Variants in TTC28 observed in about 807,000 individuals in gnomAD.
TTC28 encodes tetratricopeptide repeat protein 28.
In TTC28, 61 loss-of-function variants were observed where a neutral mutation model predicts 198.0. That is an observed-to-expected ratio of 0.31 (90% confidence interval 0.25 to 0.38). TTC28 has a LOEUF of 0.38. Among genes scored for constraint, TTC28 ranks in the 10% least tolerant of loss-of-function variants. The probability of loss-of-function intolerance (pLI) is 1.00; values close to 1 mark genes in which losing one functional copy is unlikely to be tolerated. For synonymous variants in TTC28, 1,171 were observed against 1,297.8 expected, an observed-to-expected ratio of 0.90 and a Z score of 2.10; for missense variants, 2,678 against 3,164.0, an observed-to-expected ratio of 0.85 and a Z score of 3.69.
chr22:28,480,127 C>A (rs1331438971), intron 2 of TTC28, among the ~76,000 whole-genome samples: 1 of 152,126 alleles, frequency 6.6e-6, no homozygotes, highest in Non-Finnish European at 1.5e-5. Flanking sequence ...AACTGTCAGT[C>A]ACAATGATTA....
intron 5 of TTC28, among the ~76,000 whole-genome samples, chr22:28,228,007 T>C (rs530864129): frequency 5.3e-5 from 8 of 152,274 alleles, no homozygotes; most frequent in African/African-American, 1.7e-4. Flanking sequence ...AAATGTGGTA[T>C]ATACATACAA....
rs935001815 is a variant in TTC28 at position 28,539,730 on chromosome 22, C to G, written c.381+89822G>C. On this transcript the variant is annotated intron_variant, in intron 2 of 22. Coordinates refer to ENST00000397906, the MANE Select transcript of TTC28 (RefSeq NM_001145418.2). ...CAGAAAAGAACAAGCCACAAAGGCC[C>G]AGGGATAGAGTATCAAGAAGAAGGT... 3.1e-4 allele frequency among the ~76,000 whole-genome samples: 47 copies of G among 150,740 alleles called. 2 individuals carry two copies. The highest frequency in any genetic ancestry group is 4.4e-5 in the Non-Finnish European group (3 of 67,774).
chr22:28,503,215 A>G (rs1274604858), intron 2 of TTC28, among the ~76,000 whole-genome samples: 2 of 152,160 alleles, frequency 1.3e-5, no homozygotes, highest in East Asian at 3.8e-4. Flanking sequence ...TACTTTCTTC[A>G]GAACTCAGAT....
Position 28,218,018 on chromosome 22 carries a change from A to T in TTC28, c.934-54419T>A, listed in dbSNP as rs913363374. On this transcript the variant is annotated intron_variant, in intron 5 of 22. Coordinates refer to ENST00000397906, the MANE Select transcript of TTC28 (RefSeq NM_001145418.2). ...AAATATGTTGTTTTGGTTGAAATAT[A>T]TATTTTTAAAAAACAGCCTCACATA... 2.0e-5 allele frequency among the ~76,000 whole-genome samples: 3 copies of T among 152,212 alleles called. No homozygotes were observed. The East Asian group carries it at 5.8e-4, about 29-fold the overall frequency.
At chr22:28,128,578 C>G (rs1395067950) in intron 6 of TTC28, among the ~76,000 whole-genome samples, 1 of 152,028 alleles carries the variant, frequency 6.6e-6, no homozygotes, top group African/African-American at 2.4e-5. Context: ...TGTTCTGTCA[C>G]CCAGGCTGGA....
rs536982013 is a variant in TTC28 at position 28,033,888 on chromosome 22, C to T, written c.3933-3522G>A. Reference sequence around the variant, plus strand: ...GGATTACTCAAAGGAGGAACACTTCCGCCCTAAGAAGCTGCTAGATATGCA... The same window carrying T: ...GGATTACTCAAAGGAGGAACACTTCTGCCCTAAGAAGCTGCTAGATATGCA... On this transcript the variant is annotated intron_variant, in intron 12 of 22. Coordinates refer to ENST00000397906, the MANE Select transcript of TTC28 (RefSeq NM_001145418.2). Among the ~76,000 whole-genome samples, 19 of 152,206 alleles carry T rather than the reference C, an allele frequency of 1.2e-4. 1 individual carries two copies. The South Asian group carries it at 1.7e-3, about 13-fold the overall frequency.
chr22:28,352,312 C>CATAA (rs1368655059), intron 2 of TTC28, among the ~76,000 whole-genome samples: 2 of 142,740 alleles, frequency 1.4e-5, no homozygotes, highest in Non-Finnish European at 3.0e-5. Context: ...GAGATATATA[C>CATAA]ATATATATAT....
chr22:28,191,160 G>A (rs187637285), intron 5 of TTC28, among the ~76,000 whole-genome samples: 10 of 152,166 alleles, frequency 6.6e-5, no homozygotes, highest in Admixed American at 2.0e-4. Context: ...TAACATTTGC[G>A]TTAAAATTTT....
chr22:28,192,216 G>T (rs1025131537), intron 5 of TTC28, among the ~76,000 whole-genome samples: 1 of 152,202 alleles, frequency 6.6e-6, no homozygotes, highest in Non-Finnish European at 1.5e-5. Flanking sequence ...CAACAGACTT[G>T]CAGCTGAGGG....
intron 13 of TTC28, among the ~76,000 whole-genome samples, chr22:28,023,583 T>C (rs1278250601): frequency 6.6e-6 from 1 of 152,224 alleles, no homozygotes; most frequent in African/African-American, 2.4e-5. Context: ...TCCAAGCCTG[T>C]CCCTGAAAAC....
intron 5 of TTC28, among the ~76,000 whole-genome samples, chr22:28,279,188 A>G (rs1416289679): frequency 2.0e-5 from 3 of 152,208 alleles, no homozygotes. Context: ...AATGTGCTTT[A>G]TAACATATCT....
chr22:28,360,322 T>C (rs1012353504), intron 2 of TTC28, among the ~76,000 whole-genome samples: 6 of 152,222 alleles, frequency 3.9e-5, no homozygotes, highest in East Asian at 1.9e-4. Flanking sequence ...CAGCTTCCTC[T>C]GGGATCCTGG....
At chr22:28,529,431 A>G (rs992570516) in intron 2 of TTC28, among the ~76,000 whole-genome samples, 10 of 152,178 alleles carry the variant, frequency 6.6e-5, no homozygotes, top group African/African-American at 1.2e-4. Flanking sequence ...GGTGGAGTCC[A>G]CCACAGCTCA....
chr22:28,240,703 CT>C (rs1929599046), intron 5 of TTC28, among the ~76,000 whole-genome samples: 1 of 152,120 alleles, frequency 6.6e-6, no homozygotes, highest in Admixed American at 6.6e-5. Context: ...GAAATGGCAG[CT>C]TGTGGGACCT....
intron 2 of TTC28, among the ~76,000 whole-genome samples, chr22:28,345,729 G>A (rs2045893772): frequency 6.6e-6 from 1 of 152,094 alleles, no homozygotes; most frequent in South Asian, 2.1e-4. Context: ...AACCCAGGAA[G>A]GCATATTATA....
chr22:28,547,686 G>A (rs539484794), intron 2 of TTC28, among the ~76,000 whole-genome samples: 6 of 151,344 alleles, frequency 4.0e-5, no homozygotes, highest in South Asian at 2.1e-4. Flanking sequence ...TAATACGGTC[G>A]CATTCCTTCC....
At chr22:28,174,546 T>C (rs1028143397) in intron 5 of TTC28, among the ~76,000 whole-genome samples, 2 of 152,056 alleles carry the variant, frequency 1.3e-5, no homozygotes, top group Non-Finnish European at 2.9e-5. Context: ...AATATATGCA[T>C]AAGAAAATTC....
intron 2 of TTC28, among the ~76,000 whole-genome samples, chr22:28,427,188 GA>G (rs1249934038): frequency 1.3e-5 from 2 of 152,060 alleles, no homozygotes; most frequent in Non-Finnish European, 2.9e-5. Flanking sequence ...CTGATAAATG[GA>G]TTTTACTATG....
At chr22:28,672,467 A>G (rs1358938383) in intron 1 of TTC28, among the ~76,000 whole-genome samples, 1 of 152,010 alleles carries the variant, frequency 6.6e-6, no homozygotes, top group East Asian at 1.9e-4. Context: ...CGCCCGGCCA[A>G]TTTTTTGTAT....
Sources: gnomAD v4.1 joint callset for allele counts (sites outside exome capture counted in the v4.1 genomes callset) on GRCh38, gnomAD v4.1.1 for gene constraint, MANE v1.5 for transcripts, NCBI Gene and HGNC (gene_info 2026-07-23, HGNC 2026-07-21) for gene names.